MAPKAP1: variants seen among roughly 807,000 people sequenced by gnomAD.
MAPKAP1 encodes the protein target of rapamycin complex 2 subunit MAPKAP1.
Under a neutral mutation model 65.7 loss-of-function variants are expected in MAPKAP1, and 20 were observed. The ratio of observed to expected loss-of-function variants is 0.30; its 90% CI spans 0.21 to 0.44. The LOEUF is 0.44. Ranked by LOEUF, MAPKAP1 falls within the 20% of genes least tolerant of loss-of-function variation. MAPKAP1 has a pLI of 1.00. For missense variants in MAPKAP1, 423 were observed against 648.0 expected (o/e 0.65, Z 3.77); for synonymous variants, 222 against 244.3 (o/e 0.91, Z 0.85).
At chr9:125,481,244 A>T (rs1229889797) in intron 9 of MAPKAP1, among the ~76,000 whole-genome samples, 1 of 152,062 alleles carries the variant, frequency 6.6e-6, no homozygotes, top group Non-Finnish European at 1.5e-5. Flanking sequence ...GGCTCTAATG[A>T]ATTAAAGTTT....
intron 4 of MAPKAP1, among the ~76,000 whole-genome samples, chr9:125,641,137 T>C (rs949714507): frequency 4.0e-5 from 6 of 151,856 alleles, no homozygotes; most frequent in African/African-American, 1.5e-4. Flanking sequence ...GCCTGGCTCA[T>C]AGCAAGCATT....
chr9:125,556,872 G>A (rs1002611143), intron 6 of MAPKAP1, among the ~76,000 whole-genome samples: 3 of 152,058 alleles, frequency 2.0e-5, no homozygotes, highest in East Asian at 1.9e-4. Context: ...CAGGGCAAAC[G>A]GTCAGTAATC....
At chr9:125,689,713 T>C (rs1439528324) in intron 1 of MAPKAP1, among the ~76,000 whole-genome samples, 1 of 139,018 alleles carries the variant, frequency 7.2e-6, no homozygotes, top group Non-Finnish European at 1.5e-5. Context: ...CACTCCAGCC[T>C]GGGCGACAGA....
At chr9:125,630,381 C>T (rs1347524651) in intron 4 of MAPKAP1, among the ~76,000 whole-genome samples, 1 of 152,136 alleles carries the variant, frequency 6.6e-6, no homozygotes, top group Non-Finnish European at 1.5e-5. Flanking sequence ...ATTCCCCAGT[C>T]TCAGCCGCCC....
intron 4 of MAPKAP1, among the ~76,000 whole-genome samples, chr9:125,620,224 A>C (rs1437408362): frequency 6.6e-6 from 1 of 152,148 alleles, no homozygotes; most frequent in Admixed American, 6.5e-5. Context: ...CAGGAGAATC[A>C]CTTGAACCCA....
At chr9:125,640,710 C>T (rs1258142651) in intron 4 of MAPKAP1, among the ~76,000 whole-genome samples, 1 of 152,186 alleles carries the variant, frequency 6.6e-6, no homozygotes, top group Non-Finnish European at 1.5e-5. Context: ...TAAGATGATG[C>T]AGTCAAAGTC....
At chr9:125,491,961 C>T (rs1407863366) in intron 8 of MAPKAP1, among the ~76,000 whole-genome samples, 7 of 47,968 alleles carry the variant, frequency 1.5e-4, no homozygotes, top group Non-Finnish European at 3.2e-4. Flanking sequence ...GAAGCCAAAG[C>T]GGGAGCACTG....
In MAPKAP1 at chr9:125,601,768, C is replaced by T. The variant is rs144694827; in HGVS notation, c.499-16041G>A. On this transcript the variant is annotated intron_variant, in intron 4 of 11. Transcript: ENST00000265960. Reference sequence around the variant, plus strand: ...CTTCAATTACAACATTCACTTTCATCCTCAAAATGCACACGTGAAATAACT... The same window carrying T: ...CTTCAATTACAACATTCACTTTCATTCTCAAAATGCACACGTGAAATAACT... Among the ~76,000 whole-genome samples, 467 of 152,312 alleles carry T rather than the reference C, an allele frequency of 3.1e-3. 3 individuals are homozygous for T. Among genetic ancestry groups the T allele is most frequent in the African/African-American group, 4.4e-3 (183 of 41,570 alleles).
intron 1 of MAPKAP1, among the ~76,000 whole-genome samples, chr9:125,678,802 T>C (rs935119543): frequency 6.6e-6 from 1 of 152,168 alleles, no homozygotes; most frequent in African/African-American, 2.4e-5. Context: ...TGGATAATTT[T>C]ACATACACTC....
chr9:125,496,954 C>A (rs935272059), intron 8 of MAPKAP1, among the ~76,000 whole-genome samples: 1 of 152,092 alleles, frequency 6.6e-6, no homozygotes, highest in Non-Finnish European at 1.5e-5. Flanking sequence ...GGGTTCCTCT[C>A]CAGTGTGAGG....
chr9:125,547,227 C>T (rs1439541371), intron 6 of MAPKAP1, among the ~76,000 whole-genome samples: 2 of 152,074 alleles, frequency 1.3e-5, no homozygotes, highest in Non-Finnish European at 2.9e-5. Context: ...AAGCAGTAAG[C>T]GAGAGGCAAT....
At chr9:125,551,948 G>T (rs973354400) in intron 6 of MAPKAP1, among the ~76,000 whole-genome samples, 10 of 152,136 alleles carry the variant, frequency 6.6e-5, no homozygotes, top group Admixed American at 6.5e-4. Flanking sequence ...GTCACTGCTG[G>T]CAAGAAACAC....
chr9:125,698,633 C>T (rs1835504963), intron 1 of MAPKAP1, among the ~76,000 whole-genome samples: 1 of 151,918 alleles, frequency 6.6e-6, no homozygotes, highest in African/African-American at 2.4e-5. Flanking sequence ...TGAGCCACCG[C>T]ACCCGGCCCG....
chr9:125,595,803 T>C lies in MAPKAP1; in HGVS notation c.499-10076A>G. On this transcript the variant is annotated intron_variant, in intron 4 of 11. Coordinates refer to ENST00000265960, the MANE Select transcript of MAPKAP1 (RefSeq NM_001006617.3). The surrounding 1 kb of genome is among the most constrained non-coding windows in gnomAD (Gnocchi z 4.0). ...GGAACGCTCCCAGACTGTGTGGTAA[T>C]GAAAGATTCCAACACCAAGCGTTCC... 1 of 1,154,206 alleles carries C rather than the reference T, an allele frequency of 8.7e-7. No homozygotes were observed. The highest frequency in any genetic ancestry group is 1.3e-6 in the Non-Finnish European group (1 of 777,476). The allele number at this position is 1,154,206 out of a possible 1,614,324, so 71.5% of individuals were successfully genotyped here. A position where few individuals can be genotyped will look rare whatever the true frequency, so the allele number is the denominator to read the frequency against.
At chr9:125,550,214 GT>G (rs1830546071) in intron 6 of MAPKAP1, among the ~76,000 whole-genome samples, 1 of 152,144 alleles carries the variant, frequency 6.6e-6, no homozygotes, top group Non-Finnish European at 1.5e-5. Context: ...AAGCATCACA[GT>G]TTTTTTCAAC....
intron 4 of MAPKAP1, among the ~76,000 whole-genome samples, chr9:125,637,366 A>C (rs1833454388): frequency 6.6e-6 from 1 of 152,074 alleles, no homozygotes; most frequent in Non-Finnish European, 1.5e-5. Context: ...TTCAAGTATC[A>C]AAGTGCTAAA....
chr9:125,454,213 A>T (rs754299481), intron 10 of MAPKAP1, among the ~76,000 whole-genome samples: 5 of 152,256 alleles, frequency 3.3e-5, no homozygotes, highest in Admixed American at 3.3e-4. Flanking sequence ...GCTTCAATTC[A>T]TGTGTAAGTT....
intron 5 of MAPKAP1, 77 bp downstream of exon 5, chr9:125,585,478 A>G: frequency 1.3e-6 from 2 of 1,511,738 alleles, no homozygotes; most frequent in East Asian, 2.3e-5. Flanking sequence ...GCCTAGAAAG[A>G]CTAACCAGCC....
At chr9:125,565,412 A>T (rs1025779681) in intron 5 of MAPKAP1, 1 of 167,768 alleles carries the variant, frequency 6.0e-6, no homozygotes, top group Non-Finnish European at 1.3e-5. Context: ...TGTAAAACAC[A>T]CTTAAGTATG....
Sources: allele counts gnomAD v4.1 joint callset (sites outside exome capture counted in the v4.1 genomes callset), GRCh38; gene constraint gnomAD v4.1.1; non-coding constraint Gnocchi (gnomAD v3.1); transcripts MANE v1.5; gene names NCBI Gene and HGNC (gene_info 2026-07-23, HGNC 2026-07-21).